DCAF8L2: variants seen among roughly 807,000 people sequenced by gnomAD.
DCAF8L2 encodes the protein DDB1 and CUL4 associated factor 8 like 2.
For synonymous variants in DCAF8L2, 200 were observed against 190.9 expected (o/e 1.05, Z -0.39); for missense variants, 430 against 490.7 (o/e 0.88, Z 1.17).
intron 4 of DCAF8L2, among the ~76,000 whole-genome samples, chrX:27,730,251 A>G (rs988884026): frequency 9.0e-6 from 1 of 111,566 alleles, no homozygotes; most frequent in South Asian, 3.7e-4. Flanking sequence ...GAAATCACAT[A>G]TATTATTTAT....
chrX:27,614,086 C>A (rs1192934098), intron 1 of DCAF8L2, among the ~76,000 whole-genome samples: 1 of 111,019 alleles, frequency 9.0e-6, no homozygotes, highest in Non-Finnish European at 1.9e-5. Context: ...TGGTCCTGGA[C>A]TTTTTTTGGT....
intron 4 of DCAF8L2, among the ~76,000 whole-genome samples, chrX:27,738,807 A>G (rs956075910): frequency 8.9e-6 from 1 of 112,010 alleles, no homozygotes; most frequent in Admixed American, 9.5e-5. Flanking sequence ...GCTCCAGCAT[A>G]GATTTATTCC....
At chrX:27,494,233 C>T in the DCAF8L2 span, among the ~76,000 whole-genome samples, 1 of 110,019 alleles carries the variant, frequency 9.1e-6, no homozygotes, top group Non-Finnish European at 1.9e-5. Flanking sequence ...TGGTGAAACC[C>T]CATCTCTACT....
chrX:27,563,924 TTTG>T, the DCAF8L2 span, among the ~76,000 whole-genome samples: 3 of 112,274 alleles, frequency 2.7e-5, no homozygotes, highest in Non-Finnish European at 5.6e-5. Flanking sequence ...AGCTTGTATA[TTTG>T]TTAAGCTAAA....
the DCAF8L2 span, among the ~76,000 whole-genome samples, chrX:27,535,589 T>C: frequency 1.8e-5 from 2 of 111,674 alleles, no homozygotes; most frequent in African/African-American, 6.5e-5. Flanking sequence ...AGGTACATTT[T>C]GCTTTTTTGT....
the DCAF8L2 span, among the ~76,000 whole-genome samples, chrX:27,545,608 C>A: frequency 1.8e-5 from 2 of 111,554 alleles, no homozygotes; most frequent in East Asian, 5.7e-4. Context: ...CTGTTCTCAT[C>A]ATAGGGAGTA....
At chrX:27,550,816 T>A in the DCAF8L2 span, among the ~76,000 whole-genome samples, 1 of 86,714 alleles carries the variant, frequency 1.2e-5, no homozygotes, top group African/African-American at 3.5e-5. Context: ...GCTTTGCAGA[T>A]GCTGTGATTT....
rs552972719 is a variant in DCAF8L2 at position 27,683,244 on chromosome X, A to C, written c.-143+5332A>C. 7.2e-5 allele frequency among the ~76,000 whole-genome samples: 8 copies of C among 111,644 alleles called. No individual in the cohort carries two copies. In the South Asian group the frequency reaches 3.0e-3, roughly 42 times the overall value. On this transcript the variant is annotated intron_variant, in intron 3 of 4. Coordinates refer to ENST00000451261, the MANE Select transcript of DCAF8L2 (RefSeq NM_001353450.2). Reference sequence around the variant, plus strand: ...CCGGTGGTCACTGTTGAGAGCTTCAAATGCCCTTCCCACTGTCAATCTCTG... The same window carrying C: ...CCGGTGGTCACTGTTGAGAGCTTCACATGCCCTTCCCACTGTCAATCTCTG...
At chrX:27,737,032 G>GA (rs1490355880) in intron 4 of DCAF8L2, among the ~76,000 whole-genome samples, 1 of 111,387 alleles carries the variant, frequency 9.0e-6, no homozygotes, top group Non-Finnish European at 1.9e-5. Flanking sequence ...GGTTCATTGG[G>GA]AAAAAATCTT....
intron 1 of DCAF8L2, among the ~76,000 whole-genome samples, chrX:27,594,609 A>G (rs1230422532): frequency 1.8e-5 from 2 of 111,840 alleles, no homozygotes; most frequent in Non-Finnish European, 3.8e-5. Flanking sequence ...GAGATATTCA[A>G]AAATTTCCTT....
At chrX:27,663,206 A>G (rs1929617952) in intron 2 of DCAF8L2, among the ~76,000 whole-genome samples, 1 of 112,382 alleles carries the variant, frequency 8.9e-6, no homozygotes, top group African/African-American at 3.2e-5. Flanking sequence ...TAAAGAAAAT[A>G]TAACAACAAC....
rs73628821 is a variant in DCAF8L2, at chrX:27,679,593, G to A, written c.-143+1681G>A. Among the ~76,000 whole-genome samples, 564 of 110,852 alleles carry A rather than the reference G, an allele frequency of 5.1e-3. 4 individuals are homozygous for A. The highest frequency in any genetic ancestry group is 0.018 in the African/African-American group (540 of 30,492). ...GGGTCAGATATCCCCATTGTTCCCC[G>A]GGCCAAATATTCAGCCTTTGTGAGC... On this transcript the variant is annotated intron_variant, in intron 3 of 4. Coordinates refer to ENST00000451261, the MANE Select transcript of DCAF8L2 (RefSeq NM_001353450.2).
chrX:27,571,862 T>C, the DCAF8L2 span, among the ~76,000 whole-genome samples: 1 of 111,097 alleles, frequency 9.0e-6, no homozygotes, highest in Non-Finnish European at 1.9e-5. Flanking sequence ...GTTGGTAGCA[T>C]GTGAGTGAAG....
chrX:27,641,968 A>C (rs1445391077), intron 2 of DCAF8L2, among the ~76,000 whole-genome samples: 4 of 109,211 alleles, frequency 3.7e-5, no homozygotes, highest in Non-Finnish European at 7.6e-5. Context: ...GGCTCACTGC[A>C]AGCTCTGCCT....
chrX:27,578,695 TAAAC>T, the DCAF8L2 span, among the ~76,000 whole-genome samples: 1 of 110,559 alleles, frequency 9.0e-6, no homozygotes, highest in African/African-American at 3.3e-5. Context: ...ACAAGGAACT[TAAAC>T]AAATTGACAA....
chrX:27,536,270 A>G, the DCAF8L2 span, among the ~76,000 whole-genome samples: 1 of 112,952 alleles, frequency 8.9e-6, no homozygotes, highest in Non-Finnish European at 1.9e-5. Flanking sequence ...ACTTTGACCA[A>G]TGTACTTCAA....
rs1487557682 is a variant in DCAF8L2 at position 27,731,798 on chromosome X, ATTAAT to A, written c.-58-15036_-58-15032del. Among the ~76,000 whole-genome samples the A allele has an allele frequency of 2.2e-4, 25 of 111,900 alleles. No homozygotes were observed. The South Asian group carries it at 8.6e-3, about 39-fold the overall frequency. ...GAAATGTTTTAAGCATTTCAAAACT[ATTAAT>A]TTATTTAATGTTAATTAAATAATTT... On this transcript the variant is annotated intron_variant, in intron 4 of 4. Coordinates refer to ENST00000451261, the MANE Select transcript of DCAF8L2 (RefSeq NM_001353450.2).
At chrX:27,722,555 G>T (rs756459618) in intron 4 of DCAF8L2, among the ~76,000 whole-genome samples, 6 of 111,158 alleles carry the variant, frequency 5.4e-5, no homozygotes, top group African/African-American at 1.6e-4. Context: ...TTCAAAATTG[G>T]ATGTGTGGTT....
chrX:27,599,463 G>C (rs2147118050), intron 1 of DCAF8L2, among the ~76,000 whole-genome samples: 1 of 111,468 alleles, frequency 9.0e-6, no homozygotes, highest in Admixed American at 9.6e-5. Flanking sequence ...CTAGTGCTTA[G>C]AGTTAAAAAT....
Sources: allele counts gnomAD v4.1 joint callset (sites outside exome capture counted in the v4.1 genomes callset), GRCh38; gene constraint gnomAD v4.1.1; transcripts MANE v1.5; gene names NCBI Gene and HGNC (gene_info 2026-07-23, HGNC 2026-07-21).